Variants in SP6 observed in about 807,000 individuals in gnomAD.
SP6 encodes Sp6 transcription factor.
In SP6, 10 loss-of-function variants were observed where a neutral mutation model predicts 23.4. The observed-to-expected ratio is 0.43, with a 90% CI of 0.26 to 0.72. The LOEUF is 0.72. Among genes scored for constraint, SP6 ranks in the 30% least tolerant of loss-of-function variants. The pLI is 0.23. For missense variants in SP6, 482 were observed against 523.8 expected, an observed-to-expected ratio of 0.92 and a Z score of 0.78; for synonymous variants, 238 against 238.7, an observed-to-expected ratio of 1.00 and a Z score of 0.03.
At position 47,848,376 on chromosome 17, in the gene SP6, G is replaced by A. The variant is rs771405562; in HGVS notation, c.54C>T (p.His18=). Reference sequence around the variant, plus strand: ...GCAGGTCGAGGCGCGGCGGGGAGGCGTGCGGCGCTTCCGTGTGCTGGCTGC... The same window carrying A: ...GCAGGTCGAGGCGCGGCGGGGAGGCATGCGGCGCTTCCGTGTGCTGGCTGC... ...SLGSQHTEAP[H]ASPPRLDLQP... The change falls in exon 2 of 2, where the codon CAC becomes CAT. Residue 18 remains histidine, a synonymous_variant. Coordinates refer to ENST00000536300, the MANE Select transcript of SP6 (RefSeq NM_001258248.2). The surrounding 1 kb of genome is among the most constrained non-coding windows in gnomAD (Gnocchi z 5.3). The A allele has an allele frequency of 2.6e-6, 4 of 1,567,558 alleles. No individual in the cohort carries two copies. The highest frequency in any genetic ancestry group is 1.4e-5 in the African/African-American group (1 of 73,526).
At chr17:47,859,421 A>G (rs2034020418), upstream of SP6, among the ~76,000 whole-genome samples, 1 of 152,166 alleles carries the variant, frequency 6.6e-6, no homozygotes, top group African/African-American at 2.4e-5. Flanking sequence ...GAACTTCCTC[A>G]GCACTTATTG....
chr17:47,849,352 G>C (rs2033931835), intron 1 of SP6, among the ~76,000 whole-genome samples: 1 of 152,240 alleles, frequency 6.6e-6, no homozygotes, highest in Non-Finnish European at 1.5e-5. Context: ...GAGCTTGACA[G>C]CAAGCTCTGG....
In SP6 at chr17:47,847,374, C is replaced by T. The variant is rs929841564; in HGVS notation, c.1056G>A (p.Lys352=). 1 of 1,611,192 alleles carries T rather than the reference C, an allele frequency of 6.2e-7. No individual in the cohort carries two copies. The highest frequency in any genetic ancestry group is 1.3e-5 in the African/African-American group (1 of 74,916). The change falls in exon 2 of 2, where the codon AAG becomes AAA. Residue 352 remains lysine (K), a synonymous_variant. Coordinates refer to ENST00000536300, the MANE Select transcript of SP6 (RefSeq NM_001258248.2). ...EAAGAASGEG[K]AGGAVEPPGG... Reference sequence around the variant, plus strand: ...CGGGGGGCTCCACTGCGCCGCCGGCCTTGCCCTCTCCCGAGGCCGCCCCAG... The same window carrying T: ...CGGGGGGCTCCACTGCGCCGCCGGCTTTGCCCTCTCCCGAGGCCGCCCCAG...
rs1419510587 is a variant in SP6 at position 47,848,193 on chromosome 17, C to T, written c.237G>A (p.Glu79=). ...LPGASSRVTC[E]DLESDSPLAP... ...CCAAGGGACTGTCGCTTTCCAGGTC[C>T]TCGCAGGTTACCCGCGAGGAGGCCC... The change falls in exon 2 of 2, where the codon GAG becomes GAA. Residue 79 remains glutamate, a synonymous_variant. Coordinates refer to ENST00000536300, the MANE Select transcript of SP6 (RefSeq NM_001258248.2). The surrounding 1 kb of genome is among the most constrained non-coding windows in gnomAD (Gnocchi z 5.3). 1 of 1,613,128 alleles carries T rather than the reference C, an allele frequency of 6.2e-7. No individual in the cohort carries two copies. Among genetic ancestry groups the T allele is most frequent in the Admixed American group, 1.7e-5 (1 of 60,030 alleles).
chr17:47,863,434 T>A, the SP6 span: 1 of 151,536 alleles, frequency 6.6e-6, no homozygotes, highest in Non-Finnish European at 1.5e-5. Flanking sequence ...GTTTGTTGAA[T>A]AAGTTAATGG....
upstream of SP6, among the ~76,000 whole-genome samples, chr17:47,859,723 G>A: frequency 6.6e-6 from 1 of 152,164 alleles, no homozygotes; most frequent in East Asian, 1.9e-4. Context: ...TGTCCCCCTG[G>A]CTGGCCCTGG....
At position 47,847,043 on chromosome 17, in the gene SP6, G is replaced by T; in HGVS notation, c.*256C>A. 1 of 497,940 alleles carries T rather than the reference G, an allele frequency of 2.0e-6. No individual in the cohort carries two copies. Among genetic ancestry groups the T allele is most frequent in the East Asian group, 3.3e-5 (1 of 30,334 alleles). 30.8% of individuals were successfully genotyped at this position (497,940 alleles called of 1,614,324 possible). On this transcript the variant is annotated 3_prime_UTR_variant, in exon 2 of 2. Coordinates refer to ENST00000536300, the MANE Select transcript of SP6 (RefSeq NM_001258248.2). ...CACCCCAACCCCCCAGCCCAGGGGC[G>T]AGGGAAACTGTGAGGCAGGGGAGAA...
chr17:47,873,991 CCT>C, the SP6 span, among the ~76,000 whole-genome samples: 16 of 150,960 alleles, frequency 1.1e-4, no homozygotes, highest in South Asian at 2.1e-4. Flanking sequence ...TCTTCCTCTT[CCT>C]CTTTTTCTTC....
the SP6 span, among the ~76,000 whole-genome samples, chr17:47,873,772 T>C: frequency 5.3e-5 from 8 of 151,982 alleles, no homozygotes; most frequent in Admixed American, 3.9e-4. Context: ...ACCCCAGCCA[T>C]TGGCCTCCCC....
upstream of SP6, among the ~76,000 whole-genome samples, chr17:47,852,183 G>A (rs2033963812): frequency 6.6e-6 from 1 of 152,144 alleles, no homozygotes; most frequent in Non-Finnish European, 1.5e-5. Context: ...CTTTGGGGAG[G>A]GGTCTTGGAT....
the SP6 span, among the ~76,000 whole-genome samples, chr17:47,870,090 C>T: frequency 6.6e-6 from 1 of 152,124 alleles, no homozygotes; most frequent in East Asian, 1.9e-4. Context: ...AGACAGGAGG[C>T]TGTGCAGAGC....
the SP6 span, among the ~76,000 whole-genome samples, chr17:47,873,048 C>G: frequency 6.6e-6 from 1 of 152,230 alleles, no homozygotes; most frequent in Non-Finnish European, 1.5e-5. Context: ...GTGGGGAAAC[C>G]ACAGAGGAGG....
chr17:47,848,213 A>G lies in SP6; in HGVS notation c.217T>C (p.Ser73Pro). The G allele has an allele frequency of 6.2e-7, 1 of 1,612,894 alleles. No homozygotes were observed. The highest frequency in any genetic ancestry group is 8.5e-7 in the Non-Finnish European group (1 of 1,179,862). The change falls in exon 2 of 2, where the codon TCC becomes CCC. Residue 73 changes from serine (S) to proline (P), a missense_variant. By Grantham distance (74) the Ser-to-Pro change is moderately conservative. This residue lies in a region of SP6 where 330 missense variants were observed against 332.3 expected (regional missense o/e 0.99). Coordinates refer to ENST00000536300, the MANE Select transcript of SP6 (RefSeq NM_001258248.2). This position sits in a 1 kb window ranked among gnomAD's most constrained non-coding sequence, Gnocchi z 5.3. ...AGGTCCTCGCAGGTTACCCGCGAGG[A>G]GGCCCCTGGCAGCTCATAGCCCTGC... ...FSQGYELPGA[S>P]SRVTCEDLES...
At position 47,848,343 on chromosome 17, in the gene SP6, G is replaced by A; in HGVS notation, c.87C>T (p.Leu29=). The part of the protein sequence containing the change: ...ASPPRLDLQP[L]QTYQGHTSPE... ...GGCTCGTGTGGCCCTGGTAAGTTTGGAGAGGCTGCAGGTCGAGGCGCGGCG... is the reference window on the plus strand; with the variant it reads ...GGCTCGTGTGGCCCTGGTAAGTTTGAAGAGGCTGCAGGTCGAGGCGCGGCG... The change falls in exon 2 of 2, where the codon CTC becomes CTT. Residue 29 remains leucine (L), a synonymous_variant. Coordinates refer to ENST00000536300, the MANE Select transcript of SP6 (RefSeq NM_001258248.2). This position sits in a 1 kb window ranked among gnomAD's most constrained non-coding sequence, Gnocchi z 5.3. The A allele has an allele frequency of 6.2e-7, 1 of 1,606,980 alleles. No individual in the cohort carries two copies. The highest frequency in any genetic ancestry group is 1.1e-5 in the South Asian group (1 of 90,084).
the SP6 span, among the ~76,000 whole-genome samples, chr17:47,863,574 T>TTG: frequency 7.5e-6 from 1 of 132,606 alleles, no homozygotes; most frequent in East Asian, 2.0e-4. Flanking sequence ...CTTCTTTTTT[T>TTG]TTTTTTTTTT....
chr17:47,857,936 C>G (rs1369992979), upstream of SP6, among the ~76,000 whole-genome samples: 1 of 152,014 alleles, frequency 6.6e-6, no homozygotes, highest in Non-Finnish European at 1.5e-5. Context: ...AGCCACCTCC[C>G]CCAACTCCAG....
chr17:47,861,561 C>T, the SP6 span, among the ~76,000 whole-genome samples: 4 of 152,280 alleles, frequency 2.6e-5, no homozygotes, highest in Non-Finnish European at 4.4e-5. Flanking sequence ...GGTGAAAACC[C>T]ATCTCTACCA....
Position 47,847,893 on chromosome 17 carries a change from C to G in SP6, c.537G>C (p.Gly179=), listed in dbSNP as rs577259754. 2.2e-3 allele frequency: 3,414 copies of G among 1,559,030 alleles called. 80 individuals carry two copies. In the South Asian group the frequency reaches 0.037, roughly 17 times the overall value. Residue 179 remains glycine (G), a synonymous_variant, in exon 2 of 2, where the codon GGG becomes GGC. Coordinates refer to ENST00000536300, the MANE Select transcript of SP6 (RefSeq NM_001258248.2). ...CGTCGGGCGGCCCTAGGAGATGCTG[C>G]CCTCCGGCAGCTGGAAGGAGGTGGT... ...HAHHLLPAAG[G]QHLLGPPDGA... is the part of the protein sequence containing the mutation.
Position 47,847,803 on chromosome 17 carries a change from C to A in SP6, c.627G>T (p.Ala209=). ...SQGLDSSLDG[A]ARPKGSRRSV... is the part of the protein sequence containing the mutation. ...ACCGCCGGGAGCCTTTGGGACGCGCCGCCCCGTCCAGGCTGGAATCCAGCC... is the reference window on the plus strand; with the variant it reads ...ACCGCCGGGAGCCTTTGGGACGCGCAGCCCCGTCCAGGCTGGAATCCAGCC... Residue 209 remains alanine, a synonymous_variant, in exon 2 of 2, where the codon GCG becomes GCT. Coordinates refer to ENST00000536300, the MANE Select transcript of SP6 (RefSeq NM_001258248.2). 1.3e-6 allele frequency: 2 copies of A among 1,535,236 alleles called. No individual in the cohort carries two copies. Among genetic ancestry groups the A allele is most frequent in the African/African-American group, 1.4e-5 (1 of 72,698 alleles).
Sources: allele counts gnomAD v4.1 joint callset (sites outside exome capture counted in the v4.1 genomes callset), GRCh38; gene constraint gnomAD v4.1.1; regional missense constraint gnomAD v4.1.1; non-coding constraint Gnocchi (gnomAD v3.1); transcripts MANE v1.5; gene names NCBI Gene and HGNC (gene_info 2026-07-23, HGNC 2026-07-21).